UNC13C: variants seen among roughly 807,000 people sequenced by gnomAD.
The protein encoded by UNC13C is protein unc-13 homolog C.
A neutral mutation model predicts 245.4 loss-of-function variants in UNC13C; 174 were observed. That is an observed-to-expected ratio of 0.71 (90% CI 0.63 to 0.80). The LOEUF (loss-of-function observed/expected upper bound fraction) is 0.80, where lower values mean the gene tolerates loss of function less well. Among genes scored for constraint, UNC13C ranks in the 30% least tolerant of loss-of-function variants. The pLI, the probability that UNC13C is intolerant of heterozygous loss-of-function variation, is 0.00. For synonymous variants in UNC13C, 992 were observed against 895.1 expected, an observed-to-expected ratio of 1.11 and a Z score of -1.93; for missense variants, 2,829 against 2,602.9, an observed-to-expected ratio of 1.09 and a Z score of -1.89.
At chr15:54,349,437 G>C (rs1178411527) in intron 17 of UNC13C, among the ~76,000 whole-genome samples, 1 of 151,760 alleles carries the variant, frequency 6.6e-6, no homozygotes, top group African/African-American at 2.4e-5. Context: ...ATAGTATGTT[G>C]TATTAGTAAA....
chr15:54,177,787 A>G (rs1369786595), intron 4 of UNC13C, among the ~76,000 whole-genome samples: 2 of 152,136 alleles, frequency 1.3e-5, no homozygotes, highest in East Asian at 1.9e-4. Context: ...TGTATCCATC[A>G]TCTTCCTGAG....
the UNC13C span, chr15:53,968,125 T>G: frequency 6.6e-6 from 1 of 152,180 alleles, no homozygotes; most frequent in African/African-American, 2.4e-5. Context: ...GGAGTCTGGA[T>G]ACTAAGAGAA....
At chr15:54,480,976 G>A (rs1456860397) in intron 19 of UNC13C, among the ~76,000 whole-genome samples, 1 of 152,108 alleles carries the variant, frequency 6.6e-6, no homozygotes, top group Non-Finnish European at 1.5e-5. Context: ...CTAGCTGTAG[G>A]GTCTCAGGGT....
rs746225401 is a variant in UNC13C at position 54,015,120 on chromosome 15, T to C, written c.2217T>C (p.Asp739=). 5 of 1,612,654 alleles carry C rather than the reference T, an allele frequency of 3.1e-6. No homozygotes were observed. The East Asian group carries it at 6.7e-5, about 22-fold the overall frequency. The change falls in exon 2 of 33, where the codon GAT becomes GAC. Residue 739 remains aspartate, a synonymous_variant. Coordinates refer to ENST00000260323, the MANE Select transcript of UNC13C (RefSeq NM_001080534.3). The part of the protein sequence containing the change: ...EPQGQWVGQY[D]SYQGANSNEL... Reference sequence around the variant, plus strand: ...AAGGCCAGTGGGTTGGCCAATATGATTCTTATCAGGGAGCTAATTCTAATG... The same window carrying C: ...AAGGCCAGTGGGTTGGCCAATATGACTCTTATCAGGGAGCTAATTCTAATG...
chr15:54,557,405 A>G (rs979895041), intron 29 of UNC13C, among the ~76,000 whole-genome samples: 7 of 151,948 alleles, frequency 4.6e-5, no homozygotes, highest in African/African-American at 1.7e-4. Context: ...AATGACTGTC[A>G]TCAGTTTGCC....
At chr15:54,520,796 G>A (rs969026048) in intron 24 of UNC13C, among the ~76,000 whole-genome samples, 2 of 152,142 alleles carry the variant, frequency 1.3e-5, no homozygotes, top group African/African-American at 2.4e-5. Flanking sequence ...TGGCATATCT[G>A]TAACAGAAGC....
At chr15:54,000,621 T>G (rs1894842221) in intron 1 of UNC13C, among the ~76,000 whole-genome samples, 1 of 152,186 alleles carries the variant, frequency 6.6e-6, no homozygotes, top group Non-Finnish European at 1.5e-5. Context: ...AGTCTGAAAT[T>G]GCCACTAATT....
intron 30 of UNC13C, among the ~76,000 whole-genome samples, chr15:54,614,751 T>C (rs1287167057): frequency 2.2e-4 from 34 of 152,008 alleles, no homozygotes; most frequent in Admixed American, 2.2e-3. Flanking sequence ...ATATTTATTA[T>C]ATACTTAGAC....
rs747948942 is a variant in UNC13C, at chr15:54,014,640, G to A, written c.1737G>A (p.Leu579=). ...FFTRTNGSSL[L]SSSDRELWQR... ...CTAGAACTAATGGAAGCTCTCTCCT[G>A]TCATCTTCGGACCGGGAGCTATGGC... The change falls in exon 2 of 33, where the codon CTG becomes CTA. Residue 579 remains leucine, a synonymous_variant. Transcript: ENST00000260323. 2 of 1,613,704 alleles carry A rather than the reference G, an allele frequency of 1.2e-6. No homozygotes were observed. The highest frequency in any genetic ancestry group is 3.3e-5 in the Admixed American group (2 of 59,944).
chr15:54,559,284 G>C (rs1172724438), intron 29 of UNC13C, among the ~76,000 whole-genome samples: 1 of 151,986 alleles, frequency 6.6e-6, no homozygotes, highest in Non-Finnish European at 1.5e-5. Context: ...GCAAACATAA[G>C]AGCATGGTGA....
chr15:54,324,679 A>G (rs1315592561), intron 14 of UNC13C, among the ~76,000 whole-genome samples: 3 of 152,036 alleles, frequency 2.0e-5, no homozygotes, highest in African/African-American at 2.4e-5. Flanking sequence ...TGTAAAAGGT[A>G]AGGTAAACTA....
intron 7 of UNC13C, 113 bp from the exon 8 acceptor site, chr15:54,250,112 G>GCT: frequency 1.1e-6 from 1 of 926,744 alleles, no homozygotes; most frequent in Non-Finnish European, 1.7e-6. Flanking sequence ...TGATCCAGGG[G>GCT]CTCTCTCAAA....
intron 2 of UNC13C, among the ~76,000 whole-genome samples, chr15:54,038,124 A>ATAAAAATTTTTTTTTTTTTTTTTTTTTTT: frequency 2.2e-5 from 1 of 45,040 alleles, no homozygotes; most frequent in African/African-American, 1.1e-4. Context: ...ATATATATAT[A>ATAAAAATTTTTTTTTTTTTTTTTTTTTTT]TTTTTTTTTT....
At chr15:54,362,420 G>T (rs76779947) in intron 17 of UNC13C, among the ~76,000 whole-genome samples, 2 of 152,154 alleles carry the variant, frequency 1.3e-5, no homozygotes, top group African/African-American at 4.8e-5. Flanking sequence ...GCCTTCTCTC[G>T]ATACTGTAGG....
chr15:54,571,331 G>A (rs140766054), intron 30 of UNC13C, among the ~76,000 whole-genome samples: 114 of 152,228 alleles, frequency 7.5e-4, no homozygotes, highest in African/African-American at 2.4e-3. Flanking sequence ...GGGAACTGCC[G>A]TTTATAAAAC....
chr15:54,263,551 G>A (rs1290114288), intron 8 of UNC13C, among the ~76,000 whole-genome samples: 1 of 152,144 alleles, frequency 6.6e-6, no homozygotes, highest in African/African-American at 2.4e-5. Flanking sequence ...AGTGGAAAAT[G>A]AGTATTCAGT....
At chr15:53,948,011 G>A in the UNC13C span, 1 of 152,186 alleles carries the variant, frequency 6.6e-6, no homozygotes, top group Non-Finnish European at 1.5e-5. Flanking sequence ...TTTGCTATCT[G>A]ATTCAGTAGC....
chr15:54,600,293 A>T (rs1321219354), intron 30 of UNC13C, among the ~76,000 whole-genome samples: 1 of 152,108 alleles, frequency 6.6e-6, no homozygotes, highest in African/African-American at 2.4e-5. Flanking sequence ...TCTAGGGAAC[A>T]CTGTGTAGAA....
At chr15:54,348,879 G>T (rs996268282) in intron 17 of UNC13C, among the ~76,000 whole-genome samples, 6 of 151,796 alleles carry the variant, frequency 4.0e-5, no homozygotes, top group African/African-American at 1.2e-4. Flanking sequence ...TACAAAACTG[G>T]CTATAATATG....
Sources: gnomAD v4.1 joint callset for allele counts (sites outside exome capture counted in the v4.1 genomes callset) on GRCh38, gnomAD v4.1.1 for gene constraint, MANE v1.5 for transcripts, NCBI Gene and HGNC (gene_info 2026-07-23, HGNC 2026-07-21) for gene names.